GLYR1: variants seen among roughly 807,000 people sequenced by gnomAD.
The protein encoded by GLYR1 is cytokine-like nuclear factor N-PAC.
A neutral mutation model predicts 72.7 loss-of-function variants in GLYR1; 21 were observed. That is an observed-to-expected ratio of 0.29 (90% CI 0.20 to 0.42). GLYR1 has a LOEUF of 0.42. Ranked by LOEUF, GLYR1 falls within the 10% of genes least tolerant of loss-of-function variation. GLYR1 has a pLI of 1.00. For missense variants in GLYR1, 594 were observed against 712.1 expected, an observed-to-expected ratio of 0.83 and a Z score of 1.89; for synonymous variants, 392 against 270.2, an observed-to-expected ratio of 1.45 and a Z score of -4.42.
chr16:4,814,067 A>T (rs1325052947), intron 11 of GLYR1: 6 of 334,496 alleles, frequency 1.8e-5, no homozygotes, highest in African/African-American at 1.6e-4. Flanking sequence ...TTTTATTTAA[A>T]AAAAAAAAAA....
At chr16:4,834,143 T>C (rs1015531484) in intron 3 of GLYR1, among the ~76,000 whole-genome samples, 1 of 152,166 alleles carries the variant, frequency 6.6e-6, no homozygotes, top group South Asian at 2.1e-4. Flanking sequence ...TAATGGGGTC[T>C]GTGCAAAAAC....
chr16:4,841,111 G>C (rs1393622950), intron 3 of GLYR1, among the ~76,000 whole-genome samples: 2 of 152,112 alleles, frequency 1.3e-5, no homozygotes, highest in African/African-American at 4.8e-5. Flanking sequence ...TATCCCACTT[G>C]TTTACAACCC....
chr16:4,813,258 C>G (rs987498776), intron 12 of GLYR1, among the ~76,000 whole-genome samples: 1 of 152,294 alleles, frequency 6.6e-6, no homozygotes, highest in East Asian at 1.9e-4. Context: ...CCACCGCGCC[C>G]GGACTGGAAT....
intron 3 of GLYR1, 164 bp from the exon 4 acceptor site, chr16:4,833,076 T>C (rs2084897451): frequency 7.6e-6 from 4 of 527,656 alleles, no homozygotes; most frequent in Admixed American, 4.0e-5. Flanking sequence ...CTCAGAGTCT[T>C]ATGTCTAAAG....
At chr16:4,830,851 G>C (rs192897235) in intron 5 of GLYR1, among the ~76,000 whole-genome samples, 1 of 152,216 alleles carries the variant, frequency 6.6e-6, no homozygotes, top group Non-Finnish European at 1.5e-5. Flanking sequence ...GCATTCTTGT[G>C]GCAATGCAGG....
At chr16:4,808,694 TTTA>T (rs1205804402) in intron 15 of GLYR1, among the ~76,000 whole-genome samples, 4 of 152,044 alleles carry the variant, frequency 2.6e-5, no homozygotes, top group African/African-American at 9.7e-5. Flanking sequence ...AAGTGTCATT[TTTA>T]TTATAATAAT....
In GLYR1 at chr16:4,804,933, CTGTGTGTGTGTGTGTGTGTGTGTG is replaced by C. The variant is rs143624351; in HGVS notation, c.*279_*302del. The C allele has an allele frequency of 1.0e-5, 3 of 296,316 alleles. No homozygotes were observed. The highest frequency in any genetic ancestry group is 1.0e-4 in the East Asian group (2 of 19,606). 18.4% of individuals were successfully genotyped at this position (296,316 alleles called of 1,614,324 possible). A position where few individuals can be genotyped will look rare whatever the true frequency, so the allele number is the denominator to read the frequency against. ...GCAGCTTCTATCCTGGGGCGAGAGC[CTGTGTGTGTGTGTGTGTGTGTGTG>C]TGTGTGTGTGTGTGAACACACAGCC... is the stretch of plus-strand genomic sequence containing the variant. On this transcript the variant is annotated 3_prime_UTR_variant, in exon 16 of 16. Transcript: ENST00000321919.
At chr16:4,812,284 CT>C (rs1158583791) in intron 12 of GLYR1, 36 bp from the exon 13 acceptor site, 1 of 1,595,606 alleles carries the variant, frequency 6.3e-7, no homozygotes, top group Admixed American at 1.7e-5. Flanking sequence ...GAGGCCTCCC[CT>C]CTCCCAGCGC....
At chr16:4,820,073 C>A (rs940068362) in intron 9 of GLYR1, among the ~76,000 whole-genome samples, 2 of 152,154 alleles carry the variant, frequency 1.3e-5, no homozygotes. Context: ...TCTTGGCTCA[C>A]TGCAACCTCC....
At position 4,819,259 on chromosome 16, in the gene GLYR1, C is replaced by T. The variant is rs192688335; in HGVS notation, c.807-1562G>A. Among the ~76,000 whole-genome samples, 100 of 152,214 alleles carry T rather than the reference C, an allele frequency of 6.6e-4. 1 individual carries two copies. The East Asian group carries it at 0.018, about 27-fold the overall frequency. On this transcript the variant is annotated intron_variant, in intron 9 of 15. Coordinates refer to ENST00000321919, the MANE Select transcript of GLYR1 (RefSeq NM_032569.4). ...AACTTTTGGTATCAGGCAATCCTCT[C>T]ACCTCAGCCTCCCAAAGTGTTAGGA...
At position 4,817,793 on chromosome 16, in the gene GLYR1, T is replaced by C. The variant is rs190030579; in HGVS notation, c.807-96A>G. 7.1e-4 allele frequency: 560 copies of C among 789,336 alleles called. 7 individuals are homozygous for C. In the East Asian group the frequency reaches 0.013, roughly 18 times the overall value. The allele number at this position is 789,336 out of a possible 1,614,324, so 48.9% of individuals were successfully genotyped here. A position where few individuals can be genotyped will look rare whatever the true frequency, so the allele number is the denominator to read the frequency against. On this transcript the variant is annotated intron_variant, in intron 9 of 15. Coordinates refer to ENST00000321919, the MANE Select transcript of GLYR1 (RefSeq NM_032569.4). ...ACAAGGCTCGCTCCCTTATACAGCTTGGGGTAGGGGAATTCAGACTGCCAG... is the reference window on the plus strand; with the variant it reads ...ACAAGGCTCGCTCCCTTATACAGCTCGGGGTAGGGGAATTCAGACTGCCAG...
At chr16:4,830,767 G>A (rs905847903) in intron 5 of GLYR1, among the ~76,000 whole-genome samples, 1 of 152,180 alleles carries the variant, frequency 6.6e-6, no homozygotes, top group African/African-American at 2.4e-5. Flanking sequence ...TTGTCAGCAA[G>A]AAGGCGAGAG....
At chr16:4,814,342 A>C in intron 11 of GLYR1, among the ~76,000 whole-genome samples, 195 bp downstream of exon 11, 1 of 152,254 alleles carries the variant, frequency 6.6e-6, no homozygotes, top group Non-Finnish European at 1.5e-5. Context: ...AGTAGTGTTC[A>C]TTCTTTGATC....
chr16:4,808,502 GC>G (rs2083131262), intron 15 of GLYR1, among the ~76,000 whole-genome samples: 1 of 152,052 alleles, frequency 6.6e-6, no homozygotes, highest in African/African-American at 2.4e-5. Flanking sequence ...GGAGGCTGAG[GC>G]AGGAGAATCA....
chr16:4,825,202 A>G (rs2084301639), intron 5 of GLYR1, among the ~76,000 whole-genome samples: 1 of 152,228 alleles, frequency 6.6e-6, no homozygotes, highest in African/African-American at 2.4e-5. Context: ...CTCACATAGT[A>G]AAGCTACGGG....
At chr16:4,809,353 C>G (rs1293474480) in intron 15 of GLYR1, among the ~76,000 whole-genome samples, 1 of 151,582 alleles carries the variant, frequency 6.6e-6, no homozygotes, top group African/African-American at 2.4e-5. Context: ...CCATGCCCAG[C>G]TAATTTTTTG....
intron 10 of GLYR1, among the ~76,000 whole-genome samples, chr16:4,814,968 C>G (rs1309710972): frequency 6.6e-6 from 1 of 152,186 alleles, no homozygotes; most frequent in Non-Finnish European, 1.5e-5. Context: ...TGGCTGTGGC[C>G]CTGAGCTATC....
chr16:4,817,588 G>C lies in GLYR1; in HGVS notation c.906+10C>G. On this transcript the variant is annotated intron_variant, in intron 10 of 15. Transcript: ENST00000321919. The stretch of plus-strand genomic sequence containing the variant: ...CACCGATCCAACAGGCACCACCCCT[G>C]AATGCTTACTTTCTCTGCAGTGCGG... 1 of 1,571,096 alleles carries C rather than the reference G, an allele frequency of 6.4e-7. No individual in the cohort carries two copies. Among genetic ancestry groups the C allele is most frequent in the Non-Finnish European group, 8.8e-7 (1 of 1,140,794 alleles).
At position 4,813,938 on chromosome 16, in the gene GLYR1, T is replaced by C. The variant is rs774024426; in HGVS notation, c.1018-100A>G. 10 of 837,194 alleles carry C rather than the reference T, an allele frequency of 1.2e-5. No homozygotes were observed. The Admixed American group carries it at 1.3e-4, about 10-fold the overall frequency. The allele number at this position is 837,194 out of a possible 1,614,324, so 51.9% of individuals were successfully genotyped here. A position where few individuals can be genotyped will look rare whatever the true frequency, so the allele number is the denominator to read the frequency against. On this transcript the variant is annotated intron_variant, in intron 11 of 15. Coordinates refer to ENST00000321919, the MANE Select transcript of GLYR1 (RefSeq NM_032569.4). ...AGAATCCTGCTGCTGTTTTGGCTCA[T>C]TTCCTGATTTCTATCAGCTGAAAAG...
Sources: allele counts gnomAD v4.1 joint callset (sites outside exome capture counted in the v4.1 genomes callset), GRCh38; gene constraint gnomAD v4.1.1; transcripts MANE v1.5; gene names NCBI Gene and HGNC (gene_info 2026-07-23, HGNC 2026-07-21).